The following TCF20 variants were observed in gnomAD, a reference collection of about 807,000 sequenced individuals.
TCF20 encodes transcription factor 20.
Under a neutral mutation model 148.6 loss-of-function variants are expected in TCF20, and 3 were observed. The observed-to-expected ratio is 0.02, with a 90% CI of 0.01 to 0.05. The LOEUF is 0.05. TCF20 is among the 10% of genes least tolerant of loss of function. The pLI, the probability that TCF20 is intolerant of heterozygous loss-of-function variation, is 1.00. For missense variants in TCF20, 2,350 were observed against 2,429.3 expected, an observed-to-expected ratio of 0.97 and a Z score of 0.69; for synonymous variants, 1,049 against 909.5, an observed-to-expected ratio of 1.15 and a Z score of -2.76.
At chr22:42,234,787 T>C (rs931126650) in intron 1 of TCF20, among the ~76,000 whole-genome samples, 3 of 152,192 alleles carry the variant, frequency 2.0e-5, no homozygotes, top group African/African-American at 4.8e-5. Flanking sequence ...AGCAAATTAA[T>C]TTAGGGTCAG....
At chr22:42,163,578 G>A in intron 5 of TCF20, among the ~76,000 whole-genome samples, 1 of 152,236 alleles carries the variant, frequency 6.6e-6, no homozygotes, top group Non-Finnish European at 1.5e-5. Flanking sequence ...ATCTTCAAGA[G>A]AGCTAAAGCT....
At chr22:42,203,792 G>C (rs1394520970) in intron 2 of TCF20, among the ~76,000 whole-genome samples, 3 of 152,190 alleles carry the variant, frequency 2.0e-5, no homozygotes, top group African/African-American at 7.2e-5. Context: ...GGGAGTGTGG[G>C]AATGTGAGAA....
At chr22:42,285,828 C>G (rs1415245515), upstream of TCF20, among the ~76,000 whole-genome samples, 2 of 152,052 alleles carry the variant, frequency 1.3e-5, no homozygotes. This position sits in a 1 kb window ranked among gnomAD's most constrained non-coding sequence, Gnocchi z 4.2. Context: ...GCTGTTCTCT[C>G]TCCTCCCCCT....
intron 1 of TCF20, chr22:42,276,863 C>T (rs1015836312): frequency 2.0e-5 from 3 of 152,202 alleles, no homozygotes; most frequent in Non-Finnish European, 4.4e-5. Context: ...CGTGAATTCT[C>T]CAACTCTTAA....
chr22:42,214,917 T>C lies in TCF20; in HGVS notation c.389A>G (p.Tyr130Cys), dbSNP rs1217771557. The change falls in exon 2 of 6, where the codon TAT becomes TGT. Residue 130 changes from tyrosine to cysteine, a missense_variant. Physicochemically the swap from Tyr to Cys is radical, Grantham distance 194. This residue lies in a region of TCF20 where 1,641 missense variants were observed against 1,662.6 expected (regional missense o/e 0.99). Transcript: ENST00000677622. Reference sequence around the variant, plus strand: ...CTGGCCCACATGACCCTCACTCCCATACTGATTGCCAAAGCTGCTCCCCTG... The same window carrying C: ...CTGGCCCACATGACCCTCACTCCCACACTGATTGCCAAAGCTGCTCCCCTG... ...PPQGSSFGNQ[Y>C]GSEGHVGQFQ... is the part of the protein sequence containing the mutation. 1.2e-6 allele frequency: 2 copies of C among 1,614,042 alleles called. No homozygotes were observed. The highest frequency in any genetic ancestry group is 1.7e-6 in the Non-Finnish European group (2 of 1,180,026).
rs1927105019 is a variant in TCF20 at position 42,290,044 on chromosome 22, A to G, written c.-37+53435T>C. Among the ~76,000 whole-genome samples the G allele has an allele frequency of 6.6e-6, 1 of 152,182 alleles. No homozygotes were observed. Among genetic ancestry groups the G allele is most frequent in the Non-Finnish European group, 1.5e-5 (1 of 68,034 alleles). ...GATGTTCCAGGAATATTAATTCTCC[A>G]CAGCCGGCTCACTCCCGCCGCACGC... On this transcript the variant is annotated intron_variant, in intron 1 of 1. Coordinates refer to the TCF20 transcript ENST00000515426. The surrounding 1 kb of genome is among the most constrained non-coding windows in gnomAD (Gnocchi z 4.2).
At chr22:42,271,316 C>G (rs547171166), upstream of TCF20, among the ~76,000 whole-genome samples, 3 of 152,364 alleles carry the variant, frequency 2.0e-5, no homozygotes, top group South Asian at 2.1e-4. Context: ...AAAACGGACG[C>G]TCCAGCTGCC....
At chr22:42,335,316 A>ACT (rs953903544) in intron 1 of TCF20, among the ~76,000 whole-genome samples, 8 of 149,702 alleles carry the variant, frequency 5.3e-5, no homozygotes, top group African/African-American at 2.0e-4. Flanking sequence ...TGCACCTCCC[A>ACT]CTCTCTCTCT....
At position 42,224,307 on chromosome 22, in the gene TCF20, T is replaced by TA. The variant is rs549699486; in HGVS notation, c.-36-8967dup. On this transcript the variant is annotated intron_variant, in intron 1 of 5. Transcript: ENST00000677622. The stretch of plus-strand genomic sequence containing the variant: ...TAACACAGTGAAACCCCGTCTCTAC[T>TA]AAAAATACAAAAAAATTAGTCGGGC... 4.2e-3 allele frequency among the ~76,000 whole-genome samples: 645 copies of TA among 151,778 alleles called. 6 individuals carry two copies. The highest frequency in any genetic ancestry group is 0.01 in the Middle Eastern group (3 of 294).
rs751968145 is a variant in TCF20, at chr22:42,290,465, G to A, written c.-37+53014C>T. Among the ~76,000 whole-genome samples, 1 of 152,214 alleles carries A rather than the reference G, an allele frequency of 6.6e-6. No individual in the cohort carries two copies. The highest frequency in any genetic ancestry group is 1.5e-5 in the Non-Finnish European group (1 of 68,032). ...AAGGGAGGCTGGGTCAGCTGTGGGT[G>A]TGACCAGGCCATGGAGCGGGCAGGC... On this transcript the variant is annotated intron_variant, in intron 1 of 1. Transcript: ENST00000515426. This position sits in a 1 kb window ranked among gnomAD's most constrained non-coding sequence, Gnocchi z 4.2.
rs1190974821 is a variant in TCF20 at position 42,270,477 on chromosome 22, G to A, written c.-175C>T. ...TCCAGCTCGGGCGCCCGGGCCGGCG[G>A]CGGGGCGGGCCGGGGCCGCGGCCCC... On this transcript the variant is annotated 5_prime_UTR_variant, in exon 1 of 6. Coordinates refer to ENST00000677622, the MANE Select transcript of TCF20 (RefSeq NM_001378418.1). Among the ~76,000 whole-genome samples the A allele has an allele frequency of 1.4e-5, 2 of 144,616 alleles. No individual in the cohort carries two copies. Among genetic ancestry groups the A allele is most frequent in the African/African-American group, 2.5e-5 (1 of 40,408 alleles). 94.9% of individuals were successfully genotyped at this position (144,616 alleles called of 152,430 possible).
At chr22:42,189,308 C>G (rs971206321) in intron 2 of TCF20, among the ~76,000 whole-genome samples, 2 of 152,194 alleles carry the variant, frequency 1.3e-5, no homozygotes, top group Non-Finnish European at 2.9e-5. Flanking sequence ...TAAATCAGCA[C>G]AGTGGACAGG....
intron 2 of TCF20, among the ~76,000 whole-genome samples, chr22:42,196,979 A>T (rs867416835): frequency 6.6e-6 from 1 of 152,250 alleles, no homozygotes; most frequent in East Asian, 1.9e-4. Flanking sequence ...TATGCTGCCA[A>T]CATCTTCAAA....
At chr22:42,219,718 T>C (rs749691961) in intron 1 of TCF20, among the ~76,000 whole-genome samples, 5 of 151,866 alleles carry the variant, frequency 3.3e-5, no homozygotes, top group Non-Finnish European at 7.4e-5. Context: ...TAGCCAGGCA[T>C]GGTGATGCGT....
chr22:42,266,998 G>A (rs1438002734), intron 1 of TCF20, among the ~76,000 whole-genome samples: 3 of 151,698 alleles, frequency 2.0e-5, no homozygotes, highest in Non-Finnish European at 2.9e-5. Flanking sequence ...GGCCGGGCAC[G>A]GTGGCTCATG....
intron 1 of TCF20, among the ~76,000 whole-genome samples, chr22:42,230,184 T>C (rs1265017163): frequency 6.6e-6 from 1 of 152,176 alleles, no homozygotes; most frequent in Non-Finnish European, 1.5e-5. Context: ...GCAATAAAAA[T>C]AGTCACGTGC....
Position 42,213,276 on chromosome 22 carries a change from C to A in TCF20, c.2030G>T (p.Gly677Val), listed in dbSNP as rs1231718618. Residue 677 changes from glycine (G) to valine (V), a missense_variant, in exon 2 of 6, where the codon GGA becomes GTA. Around this residue, in one of 7 missense-constraint regions of TCF20, gnomAD observed 1,641 missense variants for 1,662.6 expected, o/e 0.99. Coordinates refer to ENST00000677622, the MANE Select transcript of TCF20 (RefSeq NM_001378418.1). The part of the protein sequence containing the change: ...KNGDNNSNHN[G>V]EGNGQSGHSA... ...GTGGCCACTCTGGCCATTTCCTTCT[C>A]CATTATGGTTGGAGTTGTTATCGCC... 1.2e-6 allele frequency: 2 copies of A among 1,614,060 alleles called. No homozygotes were observed. Among genetic ancestry groups the A allele is most frequent in the African/African-American group, 2.7e-5 (2 of 74,904 alleles).
chr22:42,239,352 T>C (rs1230614137), intron 1 of TCF20, among the ~76,000 whole-genome samples: 2 of 151,760 alleles, frequency 1.3e-5, no homozygotes, highest in African/African-American at 4.8e-5. Flanking sequence ...GGCGCATGCC[T>C]GTAATCCCAG....
At chr22:42,259,285 G>T (rs1461907399) in intron 1 of TCF20, among the ~76,000 whole-genome samples, 1 of 152,170 alleles carries the variant, frequency 6.6e-6, no homozygotes, top group Non-Finnish European at 1.5e-5. Flanking sequence ...GGGGGGTTCT[G>T]AAACTACAAA....
Sources: allele counts gnomAD v4.1 joint callset (sites outside exome capture counted in the v4.1 genomes callset), GRCh38; gene constraint gnomAD v4.1.1; regional missense constraint gnomAD v4.1.1; non-coding constraint Gnocchi (gnomAD v3.1); transcripts MANE v1.5; gene names NCBI Gene and HGNC (gene_info 2026-07-23, HGNC 2026-07-21).